The following OSBP2 variants were observed in gnomAD, a reference collection of about 807,000 sequenced individuals.
OSBP2 encodes oxysterol binding protein 2, also known as oxysterol-binding protein 2.
A neutral mutation model predicts 96.0 loss-of-function variants in OSBP2; 66 were observed. That is an observed-to-expected ratio of 0.69 (90% CI 0.56 to 0.84). The LOEUF is 0.84. Ranked by LOEUF, OSBP2 falls within the 40% of genes least tolerant of loss-of-function variation. The pLI is 0.00. For missense variants in OSBP2, 1,038 were observed against 1,222.7 expected (o/e 0.85, Z 2.25); for synonymous variants, 525 against 520.9 (o/e 1.01, Z -0.11).
rs1206083486 is a variant in OSBP2 at position 30,907,503 on chromosome 22, G to A, written c.*1164G>A. ...CGGCTTCTGCCAACCATGGGGGGCTGGACCACCATGGCCACTGACCCAGCC... is the reference window on the plus strand; with the variant it reads ...CGGCTTCTGCCAACCATGGGGGGCTAGACCACCATGGCCACTGACCCAGCC... On this transcript the variant is annotated 3_prime_UTR_variant, in exon 14 of 14. Transcript: ENST00000332585. 6.6e-6 allele frequency: 1 copy of A among 152,304 alleles called. No homozygotes were observed. Among genetic ancestry groups the A allele is most frequent in the Admixed American group, 6.6e-5 (1 of 15,260 alleles). The allele number at this position is 152,304 out of a possible 1,614,324, so 9.4% of individuals were successfully genotyped here. A position where few individuals can be genotyped will look rare whatever the true frequency, so the allele number is the denominator to read the frequency against.
chr22:30,872,586 G>A (rs1405820061), intron 3 of OSBP2: 6 of 359,142 alleles, frequency 1.7e-5, no homozygotes, highest in African/African-American at 6.4e-5. Flanking sequence ...GGAACATGGC[G>A]GCAGAGTCAG....
chr22:30,846,846 A>G (rs756587335), intron 2 of OSBP2, among the ~76,000 whole-genome samples: 4 of 152,138 alleles, frequency 2.6e-5, no homozygotes, highest in Non-Finnish European at 5.9e-5. Flanking sequence ...TCAATTTGCT[A>G]GTACTTTTCT....
At chr22:30,741,627 G>C (rs1358361769) in intron 2 of OSBP2, among the ~76,000 whole-genome samples, 1 of 152,262 alleles carries the variant, frequency 6.6e-6, no homozygotes, top group Middle Eastern at 3.4e-3. Flanking sequence ...GGGCTAGTCA[G>C]GACTTCAGCA....
At chr22:30,859,957 G>C (rs1408370213) in intron 2 of OSBP2, among the ~76,000 whole-genome samples, 1 of 152,118 alleles carries the variant, frequency 6.6e-6, no homozygotes, top group African/African-American at 2.4e-5. Context: ...GCAGAGCTAG[G>C]AGGCAGCACC....
rs372404907 is a variant in OSBP2 at position 30,814,112 on chromosome 22, C to T, written c.854-56317C>T. Among the ~76,000 whole-genome samples, 6 of 152,180 alleles carry T rather than the reference C, an allele frequency of 3.9e-5. No homozygotes were observed. In the East Asian group the frequency reaches 9.7e-4, roughly 25 times the overall value. On this transcript the variant is annotated intron_variant, in intron 2 of 13. Transcript: ENST00000332585. ...CGGCCCCAGATGATGTTTGAGTGCC[C>T]GCCTGTGCTGGAGATACTATCCTCA...
chr22:30,857,956 TG>T (rs1203483639), intron 2 of OSBP2, among the ~76,000 whole-genome samples: 3 of 152,136 alleles, frequency 2.0e-5, no homozygotes, highest in Non-Finnish European at 4.4e-5. Context: ...AAGGGCCTCC[TG>T]GAACACCTGC....
At chr22:30,796,312 G>C (rs1435347656) in intron 2 of OSBP2, among the ~76,000 whole-genome samples, 1 of 151,862 alleles carries the variant, frequency 6.6e-6, no homozygotes, top group Non-Finnish European at 1.5e-5. Context: ...TGATGCTCAG[G>C]GTTGAATTTG....
At chr22:30,796,246 C>T (rs1038551308) in intron 2 of OSBP2, among the ~76,000 whole-genome samples, 2 of 152,160 alleles carry the variant, frequency 1.3e-5, no homozygotes, top group Non-Finnish European at 2.9e-5. Context: ...AAATGCTGAT[C>T]TCCTGGGCTG....
At chr22:30,803,000 A>G (rs1158805263) in intron 2 of OSBP2, 1 of 158,614 alleles carries the variant, frequency 6.3e-6, no homozygotes, top group Non-Finnish European at 1.4e-5. Context: ...CACACACCCA[A>G]TCCCGGGACC....
At chr22:30,719,878 G>GAAC (rs930638622) in intron 1 of OSBP2, among the ~76,000 whole-genome samples, 6 of 151,836 alleles carry the variant, frequency 4.0e-5, no homozygotes, top group Admixed American at 2.0e-4. Flanking sequence ...AACAACAAGG[G>GAAC]AACAACAACA....
intron 2 of OSBP2, among the ~76,000 whole-genome samples, chr22:30,793,144 C>T (rs910439789): frequency 6.6e-6 from 1 of 152,230 alleles, no homozygotes; most frequent in East Asian, 1.9e-4. Flanking sequence ...AATCCCAACA[C>T]TTTGGGAGGC....
At chr22:30,787,980 G>C (rs561467362) in intron 2 of OSBP2, among the ~76,000 whole-genome samples, 11 of 152,320 alleles carry the variant, frequency 7.2e-5, no homozygotes, top group Non-Finnish European at 1.0e-4. Context: ...TGGAGACTGA[G>C]AGCGCTTCAG....
chr22:30,802,282 GCGAGATGT>G (rs1383161751), intron 2 of OSBP2, among the ~76,000 whole-genome samples: 1 of 152,208 alleles, frequency 6.6e-6, no homozygotes, highest in Non-Finnish European at 1.5e-5. Flanking sequence ...AAGCGGTTCT[GCGAGATGT>G]CATCAGGCTC....
intron 1 of OSBP2, among the ~76,000 whole-genome samples, chr22:30,730,716 GTCTCTCTCTCTCTCTCTCTC>G (rs1191165719): frequency 0.03 from 587 of 19,890 alleles, 11 homozygotes; most frequent in Middle Eastern, 0.083. Context: ...TCGCTGCCCT[GTCTCTCTCTCTCTCTCTCTC>G]TCTCTCTCTC....
intron 2 of OSBP2, among the ~76,000 whole-genome samples, chr22:30,851,914 A>G (rs536636305): frequency 6.6e-6 from 1 of 152,232 alleles, no homozygotes; most frequent in African/African-American, 2.4e-5. Context: ...TTCTTAAATA[A>G]TTCTACAGCC....
At chr22:30,801,932 A>G (rs1302967323) in intron 2 of OSBP2, among the ~76,000 whole-genome samples, 3 of 152,212 alleles carry the variant, frequency 2.0e-5, no homozygotes, top group Admixed American at 1.3e-4. Context: ...AGCTATGATC[A>G]TGTCACTGAA....
At position 30,876,986 on chromosome 22, in the gene OSBP2, G is replaced by A. The variant is rs117478749; in HGVS notation, c.1107+6304G>A. Among the ~76,000 whole-genome samples the A allele has an allele frequency of 1.1e-4, 17 of 152,168 alleles. No individual in the cohort carries two copies. In the South Asian group the frequency reaches 1.9e-3, roughly 17 times the overall value. On this transcript the variant is annotated intron_variant, in intron 3 of 13. Transcript: ENST00000332585. ...CTGCATCCCTGTCCTGGCACCACTG[G>A]CCACCCACCTTCTGCAGGCCTGCAG...
intron 2 of OSBP2, among the ~76,000 whole-genome samples, chr22:30,865,656 A>T (rs2039321694): frequency 6.8e-6 from 1 of 147,384 alleles, no homozygotes. Flanking sequence ...AAAAAAAAAA[A>T]GACAGTTTTG....
intron 2 of OSBP2, among the ~76,000 whole-genome samples, chr22:30,805,171 A>G (rs1048496537): frequency 2.6e-5 from 4 of 152,262 alleles, no homozygotes; most frequent in Admixed American, 2.0e-4. Context: ...GTCTCTGTTC[A>G]GAAGTCCTGA....
Sources: gnomAD v4.1 joint callset for allele counts (sites outside exome capture counted in the v4.1 genomes callset) on GRCh38, gnomAD v4.1.1 for gene constraint, MANE v1.5 for transcripts, NCBI Gene and HGNC (gene_info 2026-07-23, HGNC 2026-07-21) for gene names.